The following ACIN1 variants were observed in gnomAD, a reference collection of about 807,000 sequenced individuals.
ACIN1 encodes apoptotic chromatin condensation inducer 1, also known as apoptotic chromatin condensation inducer in the nucleus.
In ACIN1, 16 loss-of-function variants were observed where a neutral mutation model predicts 146.6. The observed-to-expected ratio is 0.11, with a 90% confidence interval of 0.07 to 0.17. The LOEUF (loss-of-function observed/expected upper bound fraction) is 0.17, where lower values mean the gene tolerates loss of function less well. Ranked by LOEUF, ACIN1 falls within the 10% of genes least tolerant of loss-of-function variation. The probability of loss-of-function intolerance (pLI) is 1.00; values close to 1 mark genes in which losing one functional copy is unlikely to be tolerated. For synonymous variants in ACIN1, 569 were observed against 582.7 expected (o/e 0.98, Z 0.34); for missense variants, 1,357 against 1,609.3 (o/e 0.84, Z 2.68).
chr14:23,073,695 A>G (rs2047724523), intron 8 of ACIN1, among the ~76,000 whole-genome samples: 1 of 152,122 alleles, frequency 6.6e-6, no homozygotes, highest in South Asian at 2.1e-4. Flanking sequence ...GAATCCCCAC[A>G]AACAATGTTA....
At chr14:23,095,340 C>G (rs753885808), upstream of ACIN1, 184 of 1,541,390 alleles carry the variant, frequency 1.2e-4, no homozygotes, top group Non-Finnish European at 1.5e-4. Context: ...TCTCGCCCTG[C>G]TTTCAGGCTC....
chr14:23,072,894 G>A (rs1484652770), intron 8 of ACIN1, among the ~76,000 whole-genome samples: 1 of 152,220 alleles, frequency 6.6e-6, no homozygotes, highest in Non-Finnish European at 1.5e-5. Flanking sequence ...GTGATAGTAG[G>A]CAAGTTCCTG....
chr14:23,064,714 T>C (rs56066925), intron 10 of ACIN1: 150,661 of 509,316 alleles, frequency 0.3, 22,821 homozygotes, highest in Admixed American at 0.35. Context: ...CTGACCAACA[T>C]GGTGAAACCC....
At chr14:23,071,375 C>T (rs1327464016) in intron 8 of ACIN1, 47 of 1,539,154 alleles carry the variant, frequency 3.1e-5, no homozygotes, top group East Asian at 2.0e-4. Flanking sequence ...GGTGGTGGTG[C>T]GGGGAGGCTA....
Position 23,093,632 on chromosome 14 carries a change from G to A in ACIN1, c.139-88C>T, listed in dbSNP as rs1006082683. ...CTCTACCACAACCTCTAAATTAAAC[G>A]CAATGACTTAAATACACACAATTAA... On this transcript the variant is annotated intron_variant, in intron 1 of 18. Transcript: ENST00000605057. 9 of 1,094,816 alleles carry A rather than the reference G, an allele frequency of 8.2e-6. No homozygotes were observed. The African/African-American group carries it at 1.4e-4, about 17-fold the overall frequency. 67.8% of individuals were successfully genotyped at this position (1,094,816 alleles called of 1,614,324 possible).
chr14:23,063,194 G>A (rs573412979), intron 13 of ACIN1, 120 bp from the exon 14 acceptor site: 30 of 1,219,818 alleles, frequency 2.5e-5, no homozygotes, highest in South Asian at 2.2e-4. Flanking sequence ...TAATCTAAAC[G>A]TGCAGAGCAC....
chr14:23,079,416 A>C (rs2047884001), intron 6 of ACIN1, 131 bp downstream of exon 6: 3 of 1,426,184 alleles, frequency 2.1e-6, no homozygotes, highest in Non-Finnish European at 2.8e-6. Flanking sequence ...AGGAGAAAGT[A>C]ATCAGTGAAG....
upstream of ACIN1, chr14:23,095,222 C>T (rs1285153809): frequency 1.2e-6 from 2 of 1,613,730 alleles, no homozygotes; most frequent in Admixed American, 1.7e-5. Flanking sequence ...ATACTCTACC[C>T]CTCGATTACC....
intron 8 of ACIN1, among the ~76,000 whole-genome samples, chr14:23,072,323 AAAAG>A (rs1412404999): frequency 2.0e-5 from 3 of 152,182 alleles, no homozygotes; most frequent in Admixed American, 6.5e-5. Flanking sequence ...TCGGGCCAGA[AAAAG>A]AAAGGATAAA....
Position 23,078,194 on chromosome 14 carries a change from G to C in ACIN1, c.2080C>G (p.Gln694Glu). 2 of 1,614,204 alleles carry C rather than the reference G, an allele frequency of 1.2e-6. No homozygotes were observed. The highest frequency in any genetic ancestry group is 1.6e-4 in the Middle Eastern group (1 of 6,062). ...AATQPQTSET[Q>E]TSHLPESERI... is the part of the protein sequence containing the mutation. ...TCTGATTCTGGCAGATGAGAGGTCT[G>C]AGTCTCTGAGGTTTGGGGCTGTGTG... The change falls in exon 8 of 19, where the codon CAG becomes GAG. Residue 694 changes from glutamine to glutamate, a missense_variant. This residue lies in a region of ACIN1 where 771 missense variants were observed against 746.6 expected (regional missense o/e 1.03). Coordinates refer to ENST00000605057, the MANE Select transcript of ACIN1 (RefSeq NM_001386863.1).
At position 23,080,329 on chromosome 14, in the gene ACIN1, C is replaced by T. The variant is rs765601345; in HGVS notation, c.1006G>A (p.Glu336Lys). The T allele has an allele frequency of 8.1e-6, 13 of 1,614,072 alleles. No homozygotes were observed. Among genetic ancestry groups the T allele is most frequent in the African/African-American group, 6.7e-5 (5 of 74,922 alleles). The stretch of plus-strand genomic sequence containing the variant: ...ACAAGTGAGGCCTTCTTTCGATCTT[C>T]AGTCAGTCGAGGAGGGGAAGGAGAC... Reference protein sequence around the residue: ...SKSPSPPRLTEDRKKASLVAL... With the variant: ...SKSPSPPRLTKDRKKASLVAL... The change falls in exon 6 of 19, where the codon GAA (glutamate) becomes AAA (lysine). Residue 336 changes from glutamate (E) to lysine (K), a missense_variant. By Grantham distance (56) the Glu-to-Lys change is moderately conservative. This residue lies in a region of ACIN1 where 771 missense variants were observed against 746.6 expected (regional missense o/e 1.03). Coordinates refer to ENST00000605057, the MANE Select transcript of ACIN1 (RefSeq NM_001386863.1).
At chr14:23,063,220 T>C in intron 13 of ACIN1, 146 bp from the exon 14 acceptor site, 1 of 1,146,174 alleles carries the variant, frequency 8.7e-7, no homozygotes, top group South Asian at 1.5e-5. Flanking sequence ...ATCTGCAAAG[T>C]ACTGTGCTAG....
In ACIN1 at chr14:23,079,957, G is replaced by C. The variant is rs2047899965; in HGVS notation, c.1378C>G (p.Leu460Val). 2 of 1,614,108 alleles carry C rather than the reference G, an allele frequency of 1.2e-6. No individual in the cohort carries two copies. The highest frequency in any genetic ancestry group is 4.5e-5 in the East Asian group (2 of 44,880). The stretch of plus-strand genomic sequence containing the variant: ...GCAGATCTGTCTGACTCAGGTTCAA[G>C]ATCCTTCTGGGCTGAGTAGTCAGCC... ...TLADYSAQKDLEPESDRSAQP... is the reference protein window; with the variant it reads ...TLADYSAQKDVEPESDRSAQP... The change falls in exon 6 of 19, where the codon CTT becomes GTT. Residue 460 changes from leucine (L) to valine (V), a missense_variant. Physicochemically the swap from Leu to Val is conservative, Grantham distance 32. Around this residue, in one of 4 missense-constraint regions of ACIN1, gnomAD observed 771 missense variants for 746.6 expected, o/e 1.03. Transcript: ENST00000605057.
At chr14:23,073,105 A>G (rs766526298) in intron 8 of ACIN1, among the ~76,000 whole-genome samples, 1 of 152,042 alleles carries the variant, frequency 6.6e-6, no homozygotes, top group Non-Finnish European at 1.5e-5. Context: ...GAGTTTCCTC[A>G]AAAGAGTAGA....
At position 23,087,459 on chromosome 14, in the gene ACIN1, G is replaced by A. The variant is rs1317435880; in HGVS notation, c.436+2523C>T. On this transcript the variant is annotated intron_variant, in intron 4 of 18. Transcript: ENST00000605057. Reference sequence around the variant, plus strand: ...TTTTTCACCTTTTTTTTTTTTTAACGTCTGGGGTTTTTTTTTTCCTCCATC... The same window carrying A: ...TTTTTCACCTTTTTTTTTTTTTAACATCTGGGGTTTTTTTTTTCCTCCATC... Among the ~76,000 whole-genome samples the A allele has an allele frequency of 1.6e-4, 18 of 115,434 alleles. No homozygotes were observed. The South Asian group carries it at 3.0e-3, about 19-fold the overall frequency. The allele number at this position is 115,434 out of a possible 152,430, so 75.7% of individuals were successfully genotyped here. A position where few individuals can be genotyped will look rare whatever the true frequency, so the allele number is the denominator to read the frequency against.
chr14:23,063,682 C>A, intron 12 of ACIN1, 105 bp from the exon 13 acceptor site: 1 of 1,319,970 alleles, frequency 7.6e-7, no homozygotes, highest in South Asian at 1.3e-5. Context: ...CTAGCATGTT[C>A]CTTCCGCTAG....
intron 10 of ACIN1, chr14:23,064,766 G>C: frequency 3.0e-6 from 1 of 336,906 alleles, no homozygotes; most frequent in Non-Finnish European, 5.6e-6. Flanking sequence ...GCGTTGTGGT[G>C]CATGCCTGTA....
At chr14:23,070,618 T>A (rs1314342890) in intron 8 of ACIN1, among the ~76,000 whole-genome samples, 2 of 151,992 alleles carry the variant, frequency 1.3e-5, no homozygotes, top group Non-Finnish European at 2.9e-5. Context: ...CCAACTTCTA[T>A]CTCAAATCTC....
chr14:23,093,516 T>C lies in ACIN1; in HGVS notation c.167A>G (p.His56Arg). Residue 56 changes from histidine (H) to arginine (R), a missense_variant, in exon 2 of 19, where the codon CAC becomes CGC. Transcript: ENST00000605057. ...GALMLENLQK[H>R]STPHAAFQPN... is the part of the protein sequence containing the mutation. ...CTGGAATGCAGCATGGGGTGTTGAG[T>C]GTTTCTGTAAATTTTCTAGCATTAG... is the stretch of plus-strand genomic sequence containing the variant. The C allele has an allele frequency of 6.2e-7, 1 of 1,614,010 alleles. No homozygotes were observed. Among genetic ancestry groups the C allele is most frequent in the Non-Finnish European group, 8.5e-7 (1 of 1,179,976 alleles).
Sources: gnomAD v4.1 joint callset for allele counts (sites outside exome capture counted in the v4.1 genomes callset) on GRCh38, gnomAD v4.1.1 for gene constraint, gnomAD v4.1.1 regional missense constraint, MANE v1.5 for transcripts, NCBI Gene and HGNC (gene_info 2026-07-23, HGNC 2026-07-21) for gene names.